OR51B5: variants seen among roughly 807,000 people sequenced by gnomAD.
OR51B5 encodes olfactory receptor 51B5.
For missense variants in OR51B5, 456 were observed against 374.6 expected, an observed-to-expected ratio of 1.22 and a Z score of -1.79; for synonymous variants, 186 against 144.8, an observed-to-expected ratio of 1.28 and a Z score of -2.04.
At chr11:5,463,384 T>C (rs1393396100) in intron 1 of OR51B5, among the ~76,000 whole-genome samples, 2 of 152,210 alleles carry the variant, frequency 1.3e-5, no homozygotes, top group Non-Finnish European at 2.9e-5. Flanking sequence ...AAGGTATGGA[T>C]GACATACTGA....
intron 1 of OR51B5, among the ~76,000 whole-genome samples, chr11:5,359,038 T>C (rs1165124511): frequency 6.6e-6 from 1 of 152,040 alleles, no homozygotes; most frequent in Non-Finnish European, 1.5e-5. Context: ...GCCAATATCA[T>C]ACTGAATGGA....
At chr11:5,379,287 A>G (rs1206505801) in intron 1 of OR51B5, among the ~76,000 whole-genome samples, 1 of 150,456 alleles carries the variant, frequency 6.6e-6, no homozygotes, top group Non-Finnish European at 1.5e-5. Flanking sequence ...CAGGAAGGGG[A>G]ACATCACACT....
rs980893338 is a variant in OR51B5, at chr11:5,416,261, T to A, written n.85-69351A>T. Among the ~76,000 whole-genome samples the A allele has an allele frequency of 5.7e-5, 8 of 139,660 alleles. No homozygotes were observed. In the South Asian group the frequency reaches 2.1e-3, roughly 36 times the overall value. The allele number at this position is 139,660 out of a possible 152,430, so 91.6% of individuals were successfully genotyped here. On this transcript the variant is annotated intron_variant and non_coding_transcript_variant, in intron 1 of 4. Transcript: ENST00000415970. ...CTAAAAACTCTCAATAAATTCGGTA[T>A]TGATGGGACGTATCTCAAAATAATA...
At chr11:5,351,450 A>G in intron 1 of OR51B5, 1 of 1,386,028 alleles carries the variant, frequency 7.2e-7, no homozygotes, top group Non-Finnish European at 9.9e-7. Context: ...CAACTTTTAT[A>G]CAACTGATTA....
chr11:5,461,289 G>C (rs1047509900), intron 1 of OR51B5, among the ~76,000 whole-genome samples: 5 of 152,172 alleles, frequency 3.3e-5, no homozygotes, highest in African/African-American at 9.6e-5. Context: ...CGGCGGGGAA[G>C]GCTGCAGGCA....
At chr11:5,399,432 A>AAGTATTAAC (rs1849933648) in intron 1 of OR51B5, among the ~76,000 whole-genome samples, 1 of 152,168 alleles carries the variant, frequency 6.6e-6, no homozygotes, top group South Asian at 2.1e-4. Context: ...TCCCTGAGGT[A>AAGTATTAAC]AGTATTAACA....
Position 5,385,182 on chromosome 11 carries a change from C to T in OR51B5, n.85-38272G>A, listed in dbSNP as rs142038887. ...TTATGTTGTAATTAGATGTAACTGA[C>T]TGCTCTGAGTGGACTCCTCCATTGC... On this transcript the variant is annotated intron_variant and non_coding_transcript_variant, in intron 1 of 4. Coordinates refer to the OR51B5 transcript ENST00000415970. Among the ~76,000 whole-genome samples the T allele has an allele frequency of 2.9e-3, 445 of 152,292 alleles. 1 individual carries two copies. The highest frequency in any genetic ancestry group is 0.01 in the African/African-American group (420 of 41,540).
downstream of OR51B5, chr11:5,340,371 C>T (rs1193796154): frequency 1.3e-5 from 2 of 151,918 alleles, no homozygotes; most frequent in Non-Finnish European, 2.9e-5. Context: ...CTATAATTTA[C>T]TCTAAATATT....
At chr11:5,360,963 G>C (rs1844304845) in intron 1 of OR51B5, among the ~76,000 whole-genome samples, 1 of 150,960 alleles carries the variant, frequency 6.6e-6, no homozygotes, top group Non-Finnish European at 1.5e-5. Context: ...ACACAGGAAG[G>C]GGAACATCAC....
At chr11:5,499,597 G>A (rs113020405) in intron 1 of OR51B5, among the ~76,000 whole-genome samples, 106 of 152,224 alleles carry the variant, frequency 7.0e-4, no homozygotes, top group Middle Eastern at 6.8e-3. Flanking sequence ...TCTGAAAAGC[G>A]TCTTCCTCCA....
chr11:5,461,161 G>T (rs1191025138), intron 1 of OR51B5, among the ~76,000 whole-genome samples: 1 of 152,214 alleles, frequency 6.6e-6, no homozygotes, highest in African/African-American at 2.4e-5. Context: ...GGGCCCTGGT[G>T]AGTGCATGCC....
chr11:5,389,971 C>T (rs1770988756), intron 1 of OR51B5: 1 of 1,612,094 alleles, frequency 6.2e-7, no homozygotes, highest in South Asian at 1.1e-5. Context: ...ACTCATTTTG[C>T]CTGCACCAGG....
At chr11:5,466,901 G>A (rs1211686670) in intron 1 of OR51B5, among the ~76,000 whole-genome samples, 2 of 152,188 alleles carry the variant, frequency 1.3e-5, no homozygotes, top group Admixed American at 6.5e-5. Flanking sequence ...GTATTTAGCT[G>A]TTGCATCACT....
intron 1 of OR51B5, among the ~76,000 whole-genome samples, chr11:5,486,920 T>C (rs551778149): frequency 6.6e-6 from 1 of 151,902 alleles, no homozygotes; most frequent in South Asian, 2.1e-4. Flanking sequence ...AAAAAAAAAA[T>C]CTCAATGCAA....
At position 5,358,962 on chromosome 11, in the gene OR51B5, C is replaced by T. The variant is rs562728735; in HGVS notation, n.85-12052G>A. Reference sequence around the variant, plus strand: ...TCAACAACCCTTCATGCTAAAAACTCTCAATAAATTAGGTATTGATGGGAC... The same window carrying T: ...TCAACAACCCTTCATGCTAAAAACTTTCAATAAATTAGGTATTGATGGGAC... On this transcript the variant is annotated intron_variant and non_coding_transcript_variant, in intron 1 of 4. Transcript: ENST00000415970. 1.4e-4 allele frequency among the ~76,000 whole-genome samples: 21 copies of T among 151,750 alleles called. No individual in the cohort carries two copies. The South Asian group carries it at 3.1e-3, about 23-fold the overall frequency.
chr11:5,359,964 C>T (rs948722851), intron 1 of OR51B5, among the ~76,000 whole-genome samples: 2 of 152,152 alleles, frequency 1.3e-5, no homozygotes, highest in Admixed American at 6.5e-5. Flanking sequence ...AAACTGGATC[C>T]CTTTCTTACA....
intron 1 of OR51B5, among the ~76,000 whole-genome samples, chr11:5,448,358 C>T (rs528352762): frequency 1.3e-5 from 2 of 152,212 alleles, no homozygotes; most frequent in African/African-American, 4.8e-5. Flanking sequence ...GATAAACGTA[C>T]CTTTCTGCTC....
Position 5,351,594 on chromosome 11 carries a change from A to T in OR51B5, n.85-4684T>A, listed in dbSNP as rs371384887. 6.2e-6 allele frequency: 10 copies of T among 1,613,944 alleles called. No homozygotes were observed. Among genetic ancestry groups the T allele is most frequent in the Non-Finnish European group, 8.5e-6 (10 of 1,180,000 alleles). On this transcript the variant is annotated intron_variant and non_coding_transcript_variant, in intron 1 of 4. Coordinates refer to the OR51B5 transcript ENST00000415970. Reference sequence around the variant, plus strand: ...CACATCACTGGATATTCATCCCATTATTGGCAGCCTACATCTCCATACTTC... The same window carrying T: ...CACATCACTGGATATTCATCCCATTTTTGGCAGCCTACATCTCCATACTTC...
chr11:5,477,188 G>C (rs1851321752), intron 1 of OR51B5, among the ~76,000 whole-genome samples: 1 of 152,010 alleles, frequency 6.6e-6, no homozygotes, highest in African/African-American at 2.4e-5. Context: ...TGAATTTCGT[G>C]AGCGCCAGGG....
Sources: gnomAD v4.1 joint callset for allele counts (sites outside exome capture counted in the v4.1 genomes callset) on GRCh38, gnomAD v4.1.1 for gene constraint, MANE v1.5 for transcripts, NCBI Gene and HGNC (gene_info 2026-07-23, HGNC 2026-07-21) for gene names.